AXDND1: variants seen among roughly 807,000 people sequenced by gnomAD.
The protein encoded by AXDND1 is axonemal dynein light chain domain-containing protein 1.
A neutral mutation model predicts 137.5 loss-of-function variants in AXDND1; 110 were observed. That is an observed-to-expected ratio of 0.80 (90% CI 0.69 to 0.94). The LOEUF is 0.94. Among genes scored for constraint, AXDND1 ranks in the 40% least tolerant of loss-of-function variants. The pLI is 0.00. For missense variants in AXDND1, 1,191 were observed against 1,169.8 expected, an observed-to-expected ratio of 1.02 and a Z score of -0.26; for synonymous variants, 414 against 399.7, an observed-to-expected ratio of 1.04 and a Z score of -0.43.
At chr1:179,496,693 C>T (rs193194321) in intron 20 of AXDND1, among the ~76,000 whole-genome samples, 70 of 152,042 alleles carry the variant, frequency 4.6e-4, no homozygotes, top group Admixed American at 9.2e-4. Context: ...TTTTCTACGT[C>T]CTTAATTTCC....
At chr1:179,449,721 A>C (rs1368402161) in intron 16 of AXDND1, 1 of 151,552 alleles carries the variant, frequency 6.6e-6, no homozygotes, top group African/African-American at 2.4e-5. Flanking sequence ...GGAGTTTTAT[A>C]TTTCTTTTGT....
intron 11 of AXDND1, among the ~76,000 whole-genome samples, 173 bp downstream of exon 11, chr1:179,395,375 A>G (rs562136875): frequency 1.6e-4 from 25 of 152,228 alleles, no homozygotes; most frequent in Admixed American, 6.5e-4. Flanking sequence ...AAGGTAAAAC[A>G]TGATTTTTTC....
At chr1:179,481,180 G>A (rs146555149) in intron 17 of AXDND1, among the ~76,000 whole-genome samples, 11,002 of 151,978 alleles carry the variant, frequency 0.072, 534 homozygotes, top group Non-Finnish European at 0.098. Flanking sequence ...TCCCCTTCCT[G>A]TGTCCAAGTG....
intron 15 of AXDND1, among the ~76,000 whole-genome samples, chr1:179,440,607 G>T (rs9660976): frequency 0.35 from 53,884 of 152,118 alleles, 9,700 homozygotes; most frequent in Middle Eastern, 0.44. Context: ...AAGTATTTTG[G>T]TGCAGCAGCG....
chr1:179,457,476 T>C (rs1661581464), intron 16 of AXDND1, among the ~76,000 whole-genome samples: 1 of 152,244 alleles, frequency 6.6e-6, no homozygotes. Context: ...TTCCAAACAT[T>C]TCAAAATTTA....
At chr1:179,466,285 C>CTT (rs143320609) in intron 16 of AXDND1, among the ~76,000 whole-genome samples, 17 of 87,800 alleles carry the variant, frequency 1.9e-4, no homozygotes, top group African/African-American at 6.6e-4. Context: ...TCTTCTTCTT[C>CTT]TTTTTTTTTT....
chr1:179,529,333 T>C (rs1050810014), intron 23 of AXDND1, among the ~76,000 whole-genome samples: 2 of 152,268 alleles, frequency 1.3e-5, no homozygotes, highest in African/African-American at 4.8e-5. Flanking sequence ...AACCATTTCA[T>C]TATTAGGGGT....
At chr1:179,462,149 T>C (rs1310210370) in intron 16 of AXDND1, among the ~76,000 whole-genome samples, 1 of 152,208 alleles carries the variant, frequency 6.6e-6, no homozygotes, top group Non-Finnish European at 1.5e-5. Context: ...TGCTTCCTGT[T>C]TTTGCCCATT....
At chr1:179,370,757 T>C (rs1241034059) in intron 4 of AXDND1, among the ~76,000 whole-genome samples, 1 of 152,242 alleles carries the variant, frequency 6.6e-6, no homozygotes, top group Admixed American at 6.5e-5. Flanking sequence ...ATGTTTACAC[T>C]TAACATACTT....
In AXDND1 at chr1:179,487,319, T is replaced by C. The variant is rs946901138; in HGVS notation, c.2091+4098T>C. Among the ~76,000 whole-genome samples, 7 of 148,732 alleles carry C rather than the reference T, an allele frequency of 4.7e-5. 2 individuals are homozygous for C. Among genetic ancestry groups the C allele is most frequent in the African/African-American group, 1.8e-4 (7 of 39,150 alleles). On this transcript the variant is annotated intron_variant, in intron 18 of 25. Transcript: ENST00000367618. ...ACTGGCCACTAAACGTTTTTTATTA[T>C]GTACCTCCATTAGCAAAAAGTCTTT... is the stretch of plus-strand genomic sequence containing the variant.
At chr1:179,511,752 A>G (rs986555114) in intron 21 of AXDND1, among the ~76,000 whole-genome samples, 3 of 152,054 alleles carry the variant, frequency 2.0e-5, no homozygotes, top group African/African-American at 7.2e-5. Context: ...GATTATGGCC[A>G]TTCTTGCAGG....
At chr1:179,542,717 A>G (rs1355149662) in intron 25 of AXDND1, among the ~76,000 whole-genome samples, 2 of 152,248 alleles carry the variant, frequency 1.3e-5, no homozygotes, top group South Asian at 2.1e-4. Flanking sequence ...CATTCCCACG[A>G]AAGTCTTGAG....
intron 9 of AXDND1, among the ~76,000 whole-genome samples, chr1:179,387,808 G>T (rs1558105654): frequency 6.6e-6 from 1 of 152,134 alleles, no homozygotes; most frequent in Non-Finnish European, 1.5e-5. Flanking sequence ...GTTGGTACTG[G>T]TACTACTTCT....
At chr1:179,440,899 C>G (rs555643358) in intron 15 of AXDND1, among the ~76,000 whole-genome samples, 1 of 152,306 alleles carries the variant, frequency 6.6e-6, no homozygotes, top group South Asian at 2.1e-4. Flanking sequence ...AGCTCTAAAA[C>G]CTGAATGACT....
At position 179,529,087 on chromosome 1, in the gene AXDND1, G is replaced by A. The variant is rs75070041; in HGVS notation, c.2715+656G>A. Among the ~76,000 whole-genome samples the A allele has an allele frequency of 9.3e-3, 1,423 of 152,284 alleles. 57 individuals are homozygous for A. Among genetic ancestry groups the A allele is most frequent in the Admixed American group, 0.061 (938 of 15,300 alleles). On this transcript the variant is annotated intron_variant, in intron 23 of 25. Transcript: ENST00000367618. ...GTAGCTGTGGACACTCAGCAAGAAAGCAGATTTAAAATGTCTCCACAGAAG... is the reference window on the plus strand; with the variant it reads ...GTAGCTGTGGACACTCAGCAAGAAAACAGATTTAAAATGTCTCCACAGAAG...
intron 15 of AXDND1, among the ~76,000 whole-genome samples, chr1:179,435,423 G>A (rs975093567): frequency 2.0e-5 from 3 of 152,130 alleles, no homozygotes; most frequent in African/African-American, 7.2e-5. Flanking sequence ...GAGGCATCAT[G>A]CTACCTGATT....
chr1:179,546,764 G>A (rs1053895340), intron 25 of AXDND1, among the ~76,000 whole-genome samples: 2 of 152,086 alleles, frequency 1.3e-5, no homozygotes, highest in Non-Finnish European at 2.9e-5. Flanking sequence ...TGTACTTAAG[G>A]ATCTTAGAAA....
chr1:179,522,180 CT>C (rs1443170780), intron 21 of AXDND1, among the ~76,000 whole-genome samples: 3 of 152,222 alleles, frequency 2.0e-5, no homozygotes, highest in Non-Finnish European at 4.4e-5. Flanking sequence ...CATATTCTCT[CT>C]CTATTTCTCT....
In AXDND1 at chr1:179,468,525, G is replaced by A. The variant is rs774060181; in HGVS notation, c.1881G>A (p.Thr627=). The A allele has an allele frequency of 2.0e-5, 32 of 1,612,314 alleles. No individual in the cohort carries two copies. The highest frequency in any genetic ancestry group is 6.7e-5 in the Admixed American group (4 of 59,966). ...TGGAAAACCTGGAGTTTCCTGATAC[G>A]CCTCTTGAAGAATGGCAGGAAATAG... ...FKLENLEFPD[T]PLEEWQEIDE... The change falls in exon 17 of 26, where the codon ACG becomes ACA. Residue 627 remains threonine (T), a synonymous_variant. Transcript: ENST00000367618.
Sources: allele counts gnomAD v4.1 joint callset (sites outside exome capture counted in the v4.1 genomes callset), GRCh38; gene constraint gnomAD v4.1.1; transcripts MANE v1.5; gene names NCBI Gene and HGNC (gene_info 2026-07-23, HGNC 2026-07-21).